EFCAB11: variants seen among roughly 807,000 people sequenced by gnomAD.
The protein encoded by EFCAB11 is EF-hand calcium binding domain 11.
A neutral mutation model predicts 23.0 loss-of-function variants in EFCAB11; 14 were observed. The observed-to-expected ratio is 0.61, with a 90% CI of 0.40 to 0.95. EFCAB11 has a LOEUF of 0.95. EFCAB11 is among the 40% of genes least tolerant of loss of function. EFCAB11 has a pLI of 0.00. For synonymous variants in EFCAB11, 65 were observed against 66.6 expected (o/e 0.98, Z 0.11); for missense variants, 198 against 195.8 (o/e 1.01, Z -0.07).
At chr14:89,804,745 A>C (rs1245382838) in intron 5 of EFCAB11, among the ~76,000 whole-genome samples, 1 of 152,218 alleles carries the variant, frequency 6.6e-6, no homozygotes, top group Non-Finnish European at 1.5e-5. Context: ...CTCTACTTGC[A>C]AAATGCTTTT....
At chr14:89,932,503 C>T in intron 4 of EFCAB11, 23 bp downstream of exon 4, 4 of 1,597,816 alleles carry the variant, frequency 2.5e-6, no homozygotes, top group African/African-American at 1.3e-5. Context: ...TTTTTTACAT[C>T]AAAACACTTT....
chr14:89,838,844 T>C (rs1230482332), intron 5 of EFCAB11, among the ~76,000 whole-genome samples: 1 of 152,216 alleles, frequency 6.6e-6, no homozygotes, highest in Non-Finnish European at 1.5e-5. Context: ...TTCAATGTGA[T>C]ATTTTAGCAA....
chr14:89,885,683 A>T (rs1888733166), intron 5 of EFCAB11, among the ~76,000 whole-genome samples: 1 of 150,830 alleles, frequency 6.6e-6, no homozygotes, highest in Non-Finnish European at 1.5e-5. Flanking sequence ...TTGAAAAAAA[A>T]AAAGAGAGAA....
intron 5 of EFCAB11, among the ~76,000 whole-genome samples, chr14:89,930,506 G>A (rs975860032): frequency 2.7e-5 from 4 of 149,306 alleles, no homozygotes; most frequent in Non-Finnish European, 3.0e-5. Flanking sequence ...TGGTCACTGG[G>A]TTGTAAGTGG....
intron 5 of EFCAB11, among the ~76,000 whole-genome samples, chr14:89,802,589 C>T (rs568390163): frequency 5.9e-5 from 9 of 152,212 alleles, no homozygotes; most frequent in African/African-American, 2.2e-4. Context: ...GATGGGGTTT[C>T]GCCATGCTGA....
intron 5 of EFCAB11, among the ~76,000 whole-genome samples, chr14:89,809,395 C>T (rs1349045125): frequency 1.3e-5 from 2 of 152,180 alleles, no homozygotes; most frequent in East Asian, 1.9e-4. Flanking sequence ...ATTACTGGCC[C>T]AATCCAGCAA....
At chr14:89,917,725 T>C (rs1297436034) in intron 5 of EFCAB11, among the ~76,000 whole-genome samples, 1 of 152,228 alleles carries the variant, frequency 6.6e-6, no homozygotes, top group Non-Finnish European at 1.5e-5. Context: ...CTGATTGCCC[T>C]AGGGGCTTGG....
chr14:89,816,620 C>T (rs534550164), intron 5 of EFCAB11, among the ~76,000 whole-genome samples: 27 of 152,174 alleles, frequency 1.8e-4, no homozygotes, highest in African/African-American at 5.8e-4. Context: ...AGTGGAGATA[C>T]AGATATTAGT....
intron 5 of EFCAB11, among the ~76,000 whole-genome samples, chr14:89,870,224 A>T (rs1178885556): frequency 6.6e-6 from 1 of 152,184 alleles, no homozygotes; most frequent in African/African-American, 2.4e-5. Context: ...AGCTAAAATA[A>T]TTTTAAAATA....
rs1888176193 is a variant in EFCAB11, at chr14:89,868,740, GAC to G, written c.410+62799_410+62800del. On this transcript the variant is annotated intron_variant, in intron 5 of 5. Coordinates refer to ENST00000316738, the MANE Select transcript of EFCAB11 (RefSeq NM_145231.4). ...GACAAATCAGCAAACTAAGGATAAAGACACTTCATATTTTACCTTTGAAGCCC... is the reference window on the plus strand; with the variant it reads ...GACAAATCAGCAAACTAAGGATAAAGACTTCATATTTTACCTTTGAAGCCC... Among the ~76,000 whole-genome samples the G allele has an allele frequency of 3.9e-5, 6 of 152,296 alleles. No individual in the cohort carries two copies. The South Asian group carries it at 1.2e-3, about 32-fold the overall frequency.
At chr14:89,887,650 C>A (rs1329436721) in intron 5 of EFCAB11, among the ~76,000 whole-genome samples, 1 of 151,932 alleles carries the variant, frequency 6.6e-6, no homozygotes, top group East Asian at 1.9e-4. Flanking sequence ...TGAAAGAAAC[C>A]AGTAAAAGTC....
chr14:89,857,268 C>T (rs1003690821), intron 5 of EFCAB11, among the ~76,000 whole-genome samples: 4 of 152,172 alleles, frequency 2.6e-5, no homozygotes, highest in African/African-American at 7.2e-5. Context: ...GATTCAAAGA[C>T]GCATTTCACA....
chr14:89,857,976 T>C (rs1170912650), intron 5 of EFCAB11, among the ~76,000 whole-genome samples: 4 of 152,200 alleles, frequency 2.6e-5, no homozygotes, highest in African/African-American at 7.2e-5. Context: ...ATAACTTGGA[T>C]CACAGATGCT....
chr14:89,892,358 G>A lies in EFCAB11; in HGVS notation c.410+39183C>T. ...GCAGGGGGACATCAAGCTAGAAGAG[G>A]GCTTGGGGGGTGTCCGGCTCATCCA... is the stretch of plus-strand genomic sequence containing the variant. On this transcript the variant is annotated intron_variant, in intron 5 of 5. Transcript: ENST00000316738. 5.0e-6 allele frequency: 8 copies of A among 1,612,942 alleles called. No individual in the cohort carries two copies. The South Asian group carries it at 8.8e-5, about 18-fold the overall frequency.
At chr14:89,871,682 G>A (rs992552894) in intron 5 of EFCAB11, among the ~76,000 whole-genome samples, 2 of 152,078 alleles carry the variant, frequency 1.3e-5, no homozygotes, top group African/African-American at 2.4e-5. Flanking sequence ...CTATTACCCA[G>A]TAATTTATAC....
At chr14:89,855,300 AC>A (rs1312935446) in intron 5 of EFCAB11, among the ~76,000 whole-genome samples, 10 of 151,898 alleles carry the variant, frequency 6.6e-5, no homozygotes, top group South Asian at 6.2e-4. Flanking sequence ...ACGTGGCGAA[AC>A]CCCATCTCTA....
intron 5 of EFCAB11, among the ~76,000 whole-genome samples, chr14:89,863,046 G>A (rs964872042): frequency 6.6e-6 from 1 of 152,076 alleles, no homozygotes; most frequent in African/African-American, 2.4e-5. Context: ...AAGCTCCAGG[G>A]AGTTGATGAT....
At chr14:89,906,401 C>A (rs8021651) in intron 5 of EFCAB11, among the ~76,000 whole-genome samples, 9,198 of 151,984 alleles carry the variant, frequency 0.061, 915 homozygotes, top group African/African-American at 0.21. Context: ...TGTAAATTTC[C>A]TATAGCATTT....
intron 5 of EFCAB11, among the ~76,000 whole-genome samples, chr14:89,891,674 A>AT (rs1351576238): frequency 6.6e-6 from 1 of 152,126 alleles, no homozygotes; most frequent in East Asian, 1.9e-4. Context: ...TTACAGCTCC[A>AT]TTTTAGACAC....
Sources: gnomAD v4.1 joint callset for allele counts (sites outside exome capture counted in the v4.1 genomes callset) on GRCh38, gnomAD v4.1.1 for gene constraint, MANE v1.5 for transcripts, NCBI Gene and HGNC (gene_info 2026-07-23, HGNC 2026-07-21) for gene names.